Variants in SNRPN observed in about 807,000 individuals in gnomAD.
SNRPN encodes the protein small nuclear ribonucleoprotein-associated protein N.
SNRPN carries 7 observed loss-of-function variants against 25.2 expected under a neutral mutation model. That is an observed-to-expected ratio of 0.28 (90% CI 0.16 to 0.52). The LOEUF (loss-of-function observed/expected upper bound fraction) is 0.52, where lower values mean the gene tolerates loss of function less well. SNRPN is among the 20% of genes least tolerant of loss of function. SNRPN has a pLI of 0.96. For missense variants in SNRPN, 196 were observed against 322.5 expected (o/e 0.61, Z 3.00); for synonymous variants, 124 against 110.6 (o/e 1.12, Z -0.76).
chr15:24,967,360 C>A, intron 2 of SNRPN: 1 of 155,104 alleles, frequency 6.4e-6, no homozygotes. Flanking sequence ...ATCTTCTTCC[C>A]TGGGCGTGGT....
intron 2 of SNRPN, among the ~76,000 whole-genome samples, chr15:24,886,905 C>T (rs1382945023): frequency 6.6e-6 from 1 of 152,132 alleles, no homozygotes; most frequent in African/African-American, 2.4e-5. Context: ...CAAAGTAAGA[C>T]TAACTGTGGC....
At chr15:24,912,451 C>T (rs1048580127) in intron 2 of SNRPN, 4 of 152,118 alleles carry the variant, frequency 2.6e-5, no homozygotes, top group African/African-American at 4.8e-5. Flanking sequence ...ATGCGACTTT[C>T]GACTTACACT....
At chr15:24,933,529 G>A (rs1454647833) in intron 3 of SNRPN, among the ~76,000 whole-genome samples, 1 of 152,146 alleles carries the variant, frequency 6.6e-6, no homozygotes, top group Non-Finnish European at 1.5e-5. Context: ...TGTAATCCCA[G>A]CACTTCAGGA....
intron 1 of SNRPN, among the ~76,000 whole-genome samples, chr15:24,873,832 C>G (rs2055518842): frequency 6.6e-6 from 1 of 152,076 alleles, no homozygotes; most frequent in African/African-American, 2.4e-5. Flanking sequence ...TTCCTGGGAT[C>G]TGATGACCTG....
At chr15:24,948,838 C>A (rs563751165) in intron 3 of SNRPN, among the ~76,000 whole-genome samples, 6 of 151,704 alleles carry the variant, frequency 4.0e-5, no homozygotes, top group Non-Finnish European at 2.9e-5. Flanking sequence ...ACAACGTTTC[C>A]CAACCATCCT....
upstream of SNRPN, among the ~76,000 whole-genome samples, chr15:24,952,116 T>A (rs1250910121): frequency 6.6e-6 from 1 of 152,162 alleles, no homozygotes; most frequent in Non-Finnish European, 1.5e-5. Context: ...CATACACAAA[T>A]GTTATATATC....
intron 3 of SNRPN, among the ~76,000 whole-genome samples, chr15:24,945,548 C>G (rs541040996): frequency 6.6e-6 from 1 of 151,692 alleles, no homozygotes; most frequent in Admixed American, 6.6e-5. Flanking sequence ...AAGGCCCCAT[C>G]TCTTTAAAAA....
intron 1 of SNRPN, among the ~76,000 whole-genome samples, chr15:24,857,092 G>C (rs1336064205): frequency 6.6e-6 from 1 of 152,138 alleles, no homozygotes; most frequent in Non-Finnish European, 1.5e-5. Context: ...GCTCAGAATC[G>C]CATGCTTTAA....
chr15:24,976,860 G>A lies in SNRPN; in HGVS notation c.268-17G>A. ...TGTAAATTGTTTGATTTTAGGCTAT[G>A]AATTTTCTTGTTTCAGACTGGCATT... On this transcript the variant is annotated splice_polypyrimidine_tract_variant and intron_variant, in intron 6 of 9. Coordinates refer to ENST00000390687, the MANE Select transcript of SNRPN (RefSeq NM_003097.6). The A allele has an allele frequency of 6.2e-7, 1 of 1,604,262 alleles. No homozygotes were observed. The highest frequency in any genetic ancestry group is 1.1e-5 in the South Asian group (1 of 89,414).
At chr15:24,956,122 ATGGCATAAGAAGAC>A (rs1385389305) in intron 1 of SNRPN, among the ~76,000 whole-genome samples, 1 of 152,106 alleles carries the variant, frequency 6.6e-6, no homozygotes, top group Non-Finnish European at 1.5e-5. Flanking sequence ...TTTAGAGGCT[ATGGCATAAGAAGAC>A]TGGAATGATG....
rs370688371 is a variant in SNRPN at position 24,976,949 on chromosome 15, G to T, written c.340G>T (p.Val114Leu). The change falls in exon 7 of 10, where the codon GTA becomes TTA. Residue 114 changes from valine (V) to leucine (L), a missense_variant. Val to Leu is a conservative substitution (Grantham distance 32). Coordinates refer to ENST00000390687, the MANE Select transcript of SNRPN (RefSeq NM_003097.6). Reference sequence around the variant, plus strand: ...GGTTGGTAGGGCAGCTGGTAGAGGAGTACCAGCTGGTGTGCCAATTCCCCA... The same window carrying T: ...GGTTGGTAGGGCAGCTGGTAGAGGATTACCAGCTGGTGTGCCAATTCCCCA... Reference protein sequence around the residue: ...PGVGRAAGRGVPAGVPIPQAP... With the variant: ...PGVGRAAGRGLPAGVPIPQAP... 6.2e-6 allele frequency: 10 copies of T among 1,606,184 alleles called. No homozygotes were observed. The highest frequency in any genetic ancestry group is 8.5e-6 in the Non-Finnish European group (10 of 1,176,922).
chr15:24,862,968 G>C (rs761239834), intron 1 of SNRPN, among the ~76,000 whole-genome samples: 8 of 151,040 alleles, frequency 5.3e-5, no homozygotes, highest in Non-Finnish European at 1.0e-4. Flanking sequence ...AGGGGAGGGA[G>C]GACAGCTCTG....
chr15:24,939,827 T>C (rs536977477), intron 3 of SNRPN, among the ~76,000 whole-genome samples: 1 of 150,974 alleles, frequency 6.6e-6, no homozygotes, highest in Admixed American at 6.6e-5. Context: ...TCTCACTCTA[T>C]CGCTCAGGCT....
At position 24,974,311 on chromosome 15, in the gene SNRPN, G is replaced by A. The variant is rs1252799722; in HGVS notation, c.-143G>A. On this transcript the variant is annotated splice_region_variant and 5_prime_UTR_variant, in exon 4 of 10. Transcript: ENST00000390687. ...AGCTTTAACATGCTTTCCTCTGCAG[G>A]CTCCATCTACTCTTTGAAGCTTCTG... is the stretch of plus-strand genomic sequence containing the variant. 27 of 744,204 alleles carry A rather than the reference G, an allele frequency of 3.6e-5. No homozygotes were observed. The Admixed American group carries it at 5.4e-4, about 15-fold the overall frequency. The allele number at this position is 744,204 out of a possible 1,614,324, so 46.1% of individuals were successfully genotyped here.
chr15:24,824,936 A>C (rs1310077873), intron 1 of SNRPN, among the ~76,000 whole-genome samples: 1 of 152,110 alleles, frequency 6.6e-6, no homozygotes, highest in East Asian at 1.9e-4. Flanking sequence ...ACATTCTCTA[A>C]TGAAGGACTC....
chr15:24,832,833 C>T (rs963110636), intron 2 of SNRPN, among the ~76,000 whole-genome samples: 7 of 151,824 alleles, frequency 4.6e-5, no homozygotes, highest in Admixed American at 6.6e-5. Flanking sequence ...AGGCCGGGCG[C>T]GGTGGCTCAG....
chr15:24,867,911 T>C (rs1690813144), intron 1 of SNRPN, among the ~76,000 whole-genome samples: 1 of 152,198 alleles, frequency 6.6e-6, no homozygotes, highest in Non-Finnish European at 1.5e-5. Context: ...GAATTTCATA[T>C]GATCCAATTT....
intron 2 of SNRPN, chr15:24,908,877 T>C: frequency 1.4e-6 from 1 of 710,666 alleles, no homozygotes; most frequent in Non-Finnish European, 2.4e-6. Flanking sequence ...TTTTTTGCTG[T>C]CCATAAGTTT....
rs546019816 is a variant in SNRPN at position 24,955,021 on chromosome 15, A to G, written c.-432A>G. The G allele has an allele frequency of 9.2e-5, 148 of 1,612,700 alleles. 1 individual carries two copies. In the South Asian group the frequency reaches 1.5e-3, roughly 16 times the overall value. On this transcript the variant is annotated 5_prime_UTR_variant, in exon 1 of 10. Coordinates refer to ENST00000390687, the MANE Select transcript of SNRPN (RefSeq NM_003097.6). Reference sequence around the variant, plus strand: ...AGCGGCCGCCGGAGATGCCTGACGCATCTGTCTGAGGAGCGGTCAGTGACG... The same window carrying G: ...AGCGGCCGCCGGAGATGCCTGACGCGTCTGTCTGAGGAGCGGTCAGTGACG...
Sources: allele counts gnomAD v4.1 joint callset (sites outside exome capture counted in the v4.1 genomes callset), GRCh38; gene constraint gnomAD v4.1.1; transcripts MANE v1.5; gene names NCBI Gene and HGNC (gene_info 2026-07-23, HGNC 2026-07-21).